PDE4A: variants seen among roughly 807,000 people sequenced by gnomAD.
PDE4A encodes the protein phosphodiesterase 4A.
In PDE4A, 21 loss-of-function variants were observed where a neutral mutation model predicts 73.9. The observed-to-expected ratio is 0.28, with a 90% CI of 0.20 to 0.41. The LOEUF (loss-of-function observed/expected upper bound fraction) is 0.41, where lower values mean the gene tolerates loss of function less well. Ranked by LOEUF, PDE4A falls within the 10% of genes least tolerant of loss-of-function variation. The probability of loss-of-function intolerance (pLI) is 1.00; values close to 1 mark genes in which losing one functional copy is unlikely to be tolerated. For missense variants in PDE4A, 958 were observed against 1,211.4 expected, an observed-to-expected ratio of 0.79 and a Z score of 3.10; for synonymous variants, 463 against 505.4, an observed-to-expected ratio of 0.92 and a Z score of 1.13.
chr19:10,419,710 C>G (rs1335856953), upstream of PDE4A: 1 of 152,590 alleles, frequency 6.6e-6, no homozygotes, highest in African/African-American at 2.4e-5. Context: ...TAGACGTCCT[C>G]CGACACTACA....
rs2043399386 is a variant in PDE4A at position 10,467,514 on chromosome 19, C to T, written c.2554C>T (p.His852Tyr). ...TAAEVEAQRE[H>Y]QAAKRACSAC... The stretch of plus-strand genomic sequence containing the variant: ...GGCCGAGGTGGAGGCCCAACGAGAG[C>T]ACCAGGCTGCCAAGAGGGCTTGCAG... Residue 852 changes from histidine (H) to tyrosine (Y), a missense_variant, in exon 15 of 15, where the codon CAC (histidine) becomes TAC (tyrosine). Physicochemically the swap from His to Tyr is moderately conservative, Grantham distance 83. This residue lies in a region of PDE4A where 243 missense variants were observed against 245.9 expected (regional missense o/e 0.99). Coordinates refer to ENST00000380702, the MANE Select transcript of PDE4A (RefSeq NM_001111307.2). The T allele has an allele frequency of 1.2e-6, 2 of 1,612,802 alleles. No individual in the cohort carries two copies. Among genetic ancestry groups the T allele is most frequent in the Non-Finnish European group, 1.7e-6 (2 of 1,179,840 alleles).
Position 10,461,679 on chromosome 19 carries a change from T to C in PDE4A, c.1619T>C (p.Met540Thr). 1 of 662,784 alleles carries C rather than the reference T, an allele frequency of 1.5e-6. No individual in the cohort carries two copies. The highest frequency in any genetic ancestry group is 2.5e-6 in the Non-Finnish European group (1 of 397,760). 41.1% of individuals were successfully genotyped at this position (662,784 alleles called of 1,614,324 possible). ...AGCCTACGCAAGATGGTCATCGACA[T>C]GGTGGGCGGGGCTGGGGCGGGACGG... ...RQSLRKMVID[M>T]VLATDMSKHM... The change falls in exon 12 of 15, where the codon ATG (methionine) becomes ACG (threonine). Residue 540 changes from methionine (M) to threonine (T), a missense_variant and splice_region_variant. Met to Thr is a moderately conservative substitution (Grantham distance 81, BLOSUM62 -1). Coordinates refer to ENST00000380702, the MANE Select transcript of PDE4A (RefSeq NM_001111307.2).
chr19:10,457,419 T>C lies in PDE4A; in HGVS notation c.878-460T>C, dbSNP rs1053729898. On this transcript the variant is annotated intron_variant, in intron 7 of 14. Transcript: ENST00000380702. ...TGGGGCTGTCCCCCAGGCAGGCTGG[T>C]GCCAAGGTGGGCGGGGGGGGGGGGG... Among the ~76,000 whole-genome samples, 30 of 28,460 alleles carry C rather than the reference T, an allele frequency of 1.1e-3. 1 individual carries two copies. The highest frequency in any genetic ancestry group is 5.0e-3 in the South Asian group (3 of 600). The allele number at this position is 28,460 out of a possible 152,430, so 18.7% of individuals were successfully genotyped here. A position where few individuals can be genotyped will look rare whatever the true frequency, so the allele number is the denominator to read the frequency against.
At chr19:10,444,322 C>T (rs1219403629) in intron 1 of PDE4A, among the ~76,000 whole-genome samples, 2 of 151,764 alleles carry the variant, frequency 1.3e-5, no homozygotes, top group Non-Finnish European at 2.9e-5. Context: ...CCAGACCAGC[C>T]TGACTGTGTC....
intron 10 of PDE4A, among the ~76,000 whole-genome samples, chr19:10,460,280 C>A (rs1025360678): frequency 3.9e-5 from 6 of 151,930 alleles, no homozygotes; most frequent in African/African-American, 1.5e-4. Context: ...GGGTGGATCA[C>A]CTGAGGTCGG....
intron 10 of PDE4A, among the ~76,000 whole-genome samples, chr19:10,460,076 C>T (rs62130736): frequency 0.23 from 34,197 of 151,736 alleles, 4,287 homozygotes; most frequent in East Asian, 0.47. Context: ...GTAGAGATGG[C>T]GTTTCGCCAA....
upstream of PDE4A, chr19:10,416,994 C>G: frequency 6.5e-7 from 1 of 1,539,104 alleles, no homozygotes; most frequent in Non-Finnish European, 8.7e-7. Context: ...GGACGAGGTG[C>G]GAGAGGAGGG....
chr19:10,423,514 G>A (rs1350191002), intron 1 of PDE4A, among the ~76,000 whole-genome samples: 3 of 152,126 alleles, frequency 2.0e-5, no homozygotes, highest in African/African-American at 7.2e-5. Flanking sequence ...GGGGGAGCTG[G>A]AATTGCAACG....
Position 10,461,862 on chromosome 19 carries a change from C to A in PDE4A, c.1621-15C>A. The A allele has an allele frequency of 6.2e-7, 1 of 1,610,118 alleles. No individual in the cohort carries two copies. Reference sequence around the variant, plus strand: ...GCGGGTGTCAGCGGCCCCAGTGACGCCCCCTTGCCCGCAGGTGCTGGCCAC... The same window carrying A: ...GCGGGTGTCAGCGGCCCCAGTGACGACCCCTTGCCCGCAGGTGCTGGCCAC... On this transcript the variant is annotated splice_polypyrimidine_tract_variant and intron_variant, in intron 12 of 14. Transcript: ENST00000380702.
At chr19:10,420,447 CGGCGGGCGGGGGGCGGGGAGG>C, upstream of PDE4A, 1 of 503,044 alleles carries the variant, frequency 2.0e-6, no homozygotes, top group Non-Finnish European at 2.5e-6. The surrounding 1 kb of genome is among the most constrained non-coding windows in gnomAD (Gnocchi z 6.0). Flanking sequence ...CTGACAGCCG[CGGCGGGCGGGGGGCGGGGAGG>C]GGCGGGACGG....
intron 1 of PDE4A, chr19:10,432,459 G>GACCGGC: frequency 6.7e-7 from 1 of 1,488,280 alleles, no homozygotes; most frequent in South Asian, 1.3e-5. Flanking sequence ...AGCGCCCCGG[G>GACCGGC]CCCGGCCCCG....
chr19:10,435,646 G>A (rs1398690144), intron 1 of PDE4A, among the ~76,000 whole-genome samples: 1 of 152,022 alleles, frequency 6.6e-6, no homozygotes, highest in Non-Finnish European at 1.5e-5. Context: ...TCTTGGGCGG[G>A]TCACTTCACC....
Position 10,463,871 on chromosome 19 carries a change from C to T in PDE4A, c.1822C>T (p.Arg608Cys), listed in dbSNP as rs201168797. The change falls in exon 14 of 15, where the codon CGC (arginine) becomes TGC (cysteine). Residue 608 changes from arginine to cysteine, a missense_variant. Transcript: ENST00000380702. ...PLELYRQWTD[R>C]IMAEFFQQGD... Reference sequence around the variant, plus strand: ...GGAGCTGTACCGCCAGTGGACAGACCGCATCATGGCCGAGTTCTTCCAGCA... The same window carrying T: ...GGAGCTGTACCGCCAGTGGACAGACTGCATCATGGCCGAGTTCTTCCAGCA... 2.5e-5 allele frequency: 41 copies of T among 1,613,998 alleles called. No homozygotes were observed. The highest frequency in any genetic ancestry group is 3.2e-5 in the Non-Finnish European group (38 of 1,180,030).
chr19:10,455,771 A>T (rs1599444477), intron 7 of PDE4A, among the ~76,000 whole-genome samples: 1 of 108,414 alleles, frequency 9.2e-6, no homozygotes, highest in Non-Finnish European at 1.8e-5. Context: ...TCAAAAAATA[A>T]ACAAAAAAAA....
At position 10,459,585 on chromosome 19, in the gene PDE4A, C is replaced by T. The variant is rs757599692; in HGVS notation, c.1201-10C>T. 2.5e-6 allele frequency: 4 copies of T among 1,613,424 alleles called. No homozygotes were observed. Among genetic ancestry groups the T allele is most frequent in the East Asian group, 2.2e-5 (1 of 44,864 alleles). ...GTGGAGGTCACCACCCTGCCCCTGC[C>T]TGCTCTCAGGAGCGGGACCTGCTGA... On this transcript the variant is annotated splice_polypyrimidine_tract_variant and intron_variant, in intron 9 of 14. Transcript: ENST00000380702.
At chr19:10,440,677 C>CTG (rs1232526943) in intron 1 of PDE4A, among the ~76,000 whole-genome samples, 2 of 152,184 alleles carry the variant, frequency 1.3e-5, no homozygotes, top group African/African-American at 4.8e-5. Context: ...CAGCTCACTG[C>CTG]AACCTCCACC....
Position 10,459,487 on chromosome 19 carries a change from A to G in PDE4A, c.1189A>G (p.Met397Val). The G allele has an allele frequency of 1.2e-6, 2 of 1,613,844 alleles. No homozygotes were observed. The highest frequency in any genetic ancestry group is 1.7e-6 in the Non-Finnish European group (2 of 1,179,812). ...CCGCTCACTCACCTGCATCATGTACATGATATTCCAGGTGATGGGGACAGC... is the reference window on the plus strand; with the variant it reads ...CCGCTCACTCACCTGCATCATGTACGTGATATTCCAGGTGATGGGGACAGC... The part of the protein sequence containing the change: ...GGRSLTCIMY[M>V]IFQERDLLKK... Residue 397 changes from methionine to valine, a missense_variant, in exon 9 of 15, where the codon ATG (methionine) becomes GTG (valine). Transcript: ENST00000380702.
intron 1 of PDE4A, among the ~76,000 whole-genome samples, chr19:10,441,936 C>A (rs531073899): frequency 6.6e-6 from 1 of 151,914 alleles, no homozygotes; most frequent in South Asian, 2.1e-4. Context: ...GTGATCTGCC[C>A]GCTTCAGGCC....
At chr19:10,449,249 C>G (rs2145538141) in intron 4 of PDE4A, 99 bp downstream of exon 4, 1 of 1,260,576 alleles carries the variant, frequency 7.9e-7, no homozygotes, top group East Asian at 2.5e-5. Context: ...GGCAGGTGAC[C>G]TCTCTGAACC....
Sources: gnomAD v4.1 joint callset for allele counts (sites outside exome capture counted in the v4.1 genomes callset) on GRCh38, gnomAD v4.1.1 for gene constraint, gnomAD v4.1.1 regional missense constraint, Gnocchi (gnomAD v3.1) non-coding constraint, MANE v1.5 for transcripts, NCBI Gene and HGNC (gene_info 2026-07-23, HGNC 2026-07-21) for gene names.